The following MROH1 variants were observed in gnomAD, a reference collection of about 807,000 sequenced individuals.
MROH1 encodes maestro heat like repeat family member 1.
A neutral mutation model predicts 116.5 loss-of-function variants in MROH1; 117 were observed. The observed-to-expected ratio is 1.00, with a 90% CI of 0.86 to 1.17. MROH1 has a LOEUF of 1.17. Among genes scored for constraint, MROH1 ranks in the 50% most tolerant of loss-of-function variants. MROH1 has a pLI of 0.00. For synonymous variants in MROH1, 921 were observed against 583.9 expected (o/e 1.58, Z -8.32); for missense variants, 1,873 against 1,338.5 (o/e 1.40, Z -6.23).
At chr8:144,251,177 C>G (rs1289021582) in intron 33 of MROH1, 1 of 155,014 alleles carries the variant, frequency 6.5e-6, no homozygotes, top group Non-Finnish European at 1.4e-5. Flanking sequence ...CTCTGACGCC[C>G]TCCCATTAGG....
chr8:144,179,389 A>G, intron 4 of MROH1, 66 bp from the exon 5 acceptor site: 1 of 1,589,688 alleles, frequency 6.3e-7, no homozygotes, highest in Non-Finnish European at 8.6e-7. Context: ...AGAGACAGTG[A>G]CAGGCACTCA....
Position 144,240,694 on chromosome 8 carries a change from C to T in MROH1, c.1935+17C>T, listed in dbSNP as rs1415844274. ...CAGGAGAAGGTGGGGCACCTGCTGGCGTTCTTGGTGTGGTACTTGGGCTCC... is the reference window on the plus strand; with the variant it reads ...CAGGAGAAGGTGGGGCACCTGCTGGTGTTCTTGGTGTGGTACTTGGGCTCC... On this transcript the variant is annotated intron_variant, in intron 20 of 43. Coordinates refer to ENST00000326134, the MANE Select transcript of MROH1 (RefSeq NM_032450.3). The T allele has an allele frequency of 1.1e-5, 8 of 714,574 alleles. No individual in the cohort carries two copies. Among genetic ancestry groups the T allele is most frequent in the Admixed American group, 6.0e-5 (3 of 50,006 alleles). The allele number at this position is 714,574 out of a possible 1,614,324, so 44.3% of individuals were successfully genotyped here. A position where few individuals can be genotyped will look rare whatever the true frequency, so the allele number is the denominator to read the frequency against.
intron 13 of MROH1, among the ~76,000 whole-genome samples, 166 bp from the exon 14 acceptor site, chr8:144,222,942 A>C (rs964973508): frequency 2.0e-5 from 3 of 151,748 alleles, no homozygotes; most frequent in Non-Finnish European, 4.4e-5. Context: ...GTGTGGATTC[A>C]GGTGCAGGCC....
rs1012070417 is a variant in MROH1 at position 144,237,156 on chromosome 8, C to T, written c.1339-1600C>T. Reference sequence around the variant, plus strand: ...TCCTGACCTTGTGATCCGCTCAACTCGGCCTCCGAAAGTGCTGGGATTATA... The same window carrying T: ...TCCTGACCTTGTGATCCGCTCAACTTGGCCTCCGAAAGTGCTGGGATTATA... On this transcript the variant is annotated intron_variant, in intron 14 of 43. Coordinates refer to ENST00000326134, the MANE Select transcript of MROH1 (RefSeq NM_032450.3). 5.3e-5 allele frequency among the ~76,000 whole-genome samples: 8 copies of T among 152,100 alleles called. No individual in the cohort carries two copies. In the East Asian group the frequency reaches 9.7e-4, roughly 18 times the overall value.
intron 1 of MROH1, among the ~76,000 whole-genome samples, chr8:144,152,542 A>AATTATTATT (rs1261223014): frequency 1.0e-4 from 13 of 129,168 alleles, no homozygotes; most frequent in African/African-American, 5.1e-4. Flanking sequence ...GCGTGTGAAA[A>AATTATTATT]ATTATTATTA....
chr8:144,191,514 C>G (rs996563108), intron 8 of MROH1, among the ~76,000 whole-genome samples: 1 of 152,216 alleles, frequency 6.6e-6, no homozygotes, highest in Non-Finnish European at 1.5e-5. Context: ...CTCCTACAAA[C>G]CCCCTGGGCC....
rs146948580 is a variant in MROH1 at position 144,162,692 on chromosome 8, C to T, written c.-56-1079C>T. Reference sequence around the variant, plus strand: ...AATTACAGGCATGAGCCACTGCACCCGGCCCATGATGTCTTTTTTCTTTCT... The same window carrying T: ...AATTACAGGCATGAGCCACTGCACCTGGCCCATGATGTCTTTTTTCTTTCT... On this transcript the variant is annotated intron_variant, in intron 2 of 43. Coordinates refer to ENST00000326134, the MANE Select transcript of MROH1 (RefSeq NM_032450.3). Among the ~76,000 whole-genome samples the T allele has an allele frequency of 4.8e-3, 717 of 150,840 alleles. 18 individuals are homozygous for T. Among genetic ancestry groups the T allele is most frequent in the Admixed American group, 0.041 (619 of 15,142 alleles).
At chr8:144,229,547 T>C (rs1315115445) in intron 14 of MROH1, among the ~76,000 whole-genome samples, 2 of 152,052 alleles carry the variant, frequency 1.3e-5, no homozygotes, top group Non-Finnish European at 2.9e-5. Flanking sequence ...GCCCAGCTAA[T>C]TTTTGTTTTG....
rs1245729056 is a variant in MROH1, at chr8:144,261,060, C to T, written c.4671+19C>T. Reference sequence around the variant, plus strand: ...GCACCTGGTGAGGGGTGGGGCCAGGCGGGGCGTGGTGGGTGGGGCGGGGCC... The same window carrying T: ...GCACCTGGTGAGGGGTGGGGCCAGGTGGGGCGTGGTGGGTGGGGCGGGGCC... On this transcript the variant is annotated intron_variant, in intron 41 of 43. Transcript: ENST00000326134. The T allele has an allele frequency of 0.15, 28,140 of 191,788 alleles. 672 individuals are homozygous for T. The highest frequency in any genetic ancestry group is 0.29 in the African/African-American group (4,758 of 16,496). The allele number at this position is 191,788 out of a possible 1,614,324, so 11.9% of individuals were successfully genotyped here.
chr8:144,238,390 T>C (rs988014874), intron 14 of MROH1, among the ~76,000 whole-genome samples: 1 of 152,204 alleles, frequency 6.6e-6, no homozygotes, highest in Non-Finnish European at 1.5e-5. Context: ...CAGCCCACCG[T>C]GGCTGCCGAG....
At position 144,260,015 on chromosome 8, in the gene MROH1, G is replaced by A. The variant is rs1844702441; in HGVS notation, c.4149G>A (p.Val1383=). ...KDTCASVRRL[V]LRGLANLASG... ...CATGCGCCAGCGTGCGGAGGCTGGT[G>A]CTCCGCGGCCTGGCCAACCTGGCCT... Residue 1383 remains valine (V), a synonymous_variant, in exon 38 of 44, where the codon GTG becomes GTA. Transcript: ENST00000326134. 4.1e-6 allele frequency: 3 copies of A among 727,432 alleles called. No individual in the cohort carries two copies. Among genetic ancestry groups the A allele is most frequent in the Non-Finnish European group, 7.6e-6 (3 of 396,860 alleles). The allele number at this position is 727,432 out of a possible 1,614,324, so 45.1% of individuals were successfully genotyped here.
chr8:144,205,512 A>G (rs1832627670), intron 12 of MROH1, among the ~76,000 whole-genome samples: 1 of 47,790 alleles, frequency 2.1e-5, no homozygotes, highest in African/African-American at 6.7e-5. Context: ...CTTTGCATAT[A>G]TATAGACACA....
chr8:144,251,809 CTG>C (rs1441359199), intron 33 of MROH1: 1 of 155,394 alleles, frequency 6.4e-6, no homozygotes, highest in Non-Finnish European at 1.4e-5. Flanking sequence ...CAGCAGGCTC[CTG>C]TGTGCCCCTC....
At chr8:144,222,777 C>T (rs114945470) in intron 13 of MROH1, among the ~76,000 whole-genome samples, 1,553 of 151,688 alleles carry the variant, frequency 0.01, 21 homozygotes, top group African/African-American at 0.036. Context: ...TAGGTGTGGG[C>T]GTTGGCACAG....
chr8:144,259,187 G>A (rs1337864106), intron 36 of MROH1, 53 bp from the exon 37 acceptor site: 1 of 705,556 alleles, frequency 1.4e-6, no homozygotes, highest in Non-Finnish European at 2.6e-6. Flanking sequence ...AGGTGCCTGG[G>A]TAGGGTTCAG....
intron 12 of MROH1, among the ~76,000 whole-genome samples, chr8:144,215,872 CAAAAAA>C (rs35093804): frequency 3.2e-5 from 4 of 124,966 alleles, no homozygotes; most frequent in African/African-American, 8.9e-5. Context: ...GACTCTGTCG[CAAAAAA>C]AAAAAAAAGA....
At chr8:144,185,705 G>A (rs1397730147) in intron 7 of MROH1, among the ~76,000 whole-genome samples, 1 of 58,898 alleles carries the variant, frequency 1.7e-5, no homozygotes, top group African/African-American at 9.8e-5. Flanking sequence ...GGGACCGTGG[G>A]GGGAGGGGGA....
intron 13 of MROH1, among the ~76,000 whole-genome samples, chr8:144,221,213 A>G (rs916904969): frequency 6.6e-6 from 1 of 152,138 alleles, no homozygotes; most frequent in Non-Finnish European, 1.5e-5. Flanking sequence ...CTCGTGGCTG[A>G]GCTATCTCCA....
intron 12 of MROH1, among the ~76,000 whole-genome samples, chr8:144,210,786 G>C (rs1833939996): frequency 6.6e-6 from 1 of 151,612 alleles, no homozygotes; most frequent in African/African-American, 2.4e-5. Context: ...GTCTTTTTTT[G>C]GAGGCTTGAC....
Sources: allele counts gnomAD v4.1 joint callset (sites outside exome capture counted in the v4.1 genomes callset), GRCh38; gene constraint gnomAD v4.1.1; transcripts MANE v1.5; gene names NCBI Gene and HGNC (gene_info 2026-07-23, HGNC 2026-07-21).